Variants in GPM6A observed in about 807,000 individuals in gnomAD.
The protein encoded by GPM6A is glycoprotein M6A, also known as neuronal membrane glycoprotein M6-a.
In GPM6A, 7 loss-of-function variants were observed where a neutral mutation model predicts 32.1. The ratio of observed to expected loss-of-function variants is 0.22; its 90% confidence interval spans 0.12 to 0.41. The LOEUF (loss-of-function observed/expected upper bound fraction) is 0.41. Among genes scored for constraint, GPM6A ranks in the 10% least tolerant of loss-of-function variants. The pLI, the probability that GPM6A is intolerant of heterozygous loss-of-function variation, is 1.00. For synonymous variants in GPM6A, 130 were observed against 123.4 expected (o/e 1.05, Z -0.35); for missense variants, 235 against 347.2 (o/e 0.68, Z 2.57).
At chr4:175,724,782 C>T (rs114309842) in intron 1 of GPM6A, among the ~76,000 whole-genome samples, 360 of 152,260 alleles carry the variant, frequency 2.4e-3, no homozygotes, top group Non-Finnish European at 4.0e-3. Flanking sequence ...AGTAGCTTCT[C>T]ATTTCCTTTG....
At chr4:175,953,586 G>C (rs1176062949) in intron 1 of GPM6A, among the ~76,000 whole-genome samples, 2 of 152,082 alleles carry the variant, frequency 1.3e-5, no homozygotes, top group Non-Finnish European at 2.9e-5. Flanking sequence ...AGGACACATG[G>C]CAGACTTATA....
At chr4:175,688,897 G>A (rs1345037599) in intron 2 of GPM6A, among the ~76,000 whole-genome samples, 1 of 152,072 alleles carries the variant, frequency 6.6e-6, no homozygotes, top group Non-Finnish European at 1.5e-5. Context: ...CTGTCACCTA[G>A]GCTGAAGTGT....
At chr4:175,954,509 G>A (rs1233572715) in intron 1 of GPM6A, among the ~76,000 whole-genome samples, 1 of 152,220 alleles carries the variant, frequency 6.6e-6, no homozygotes, top group Non-Finnish European at 1.5e-5. Flanking sequence ...ACTGAGGACA[G>A]TGGCTAGCAA....
intron 1 of GPM6A, among the ~76,000 whole-genome samples, chr4:175,757,765 G>A (rs935180378): frequency 1.3e-5 from 2 of 152,072 alleles, no homozygotes; most frequent in African/African-American, 4.8e-5. Context: ...GCATTACCAC[G>A]AGACCAAAGA....
upstream of GPM6A, among the ~76,000 whole-genome samples, chr4:175,815,267 G>A (rs759555035): frequency 2.6e-5 from 4 of 152,058 alleles, no homozygotes; most frequent in African/African-American, 7.2e-5. Flanking sequence ...CACCCACCTC[G>A]GCCTCCCAGA....
At chr4:175,663,046 A>G (rs1742522799) in intron 3 of GPM6A, among the ~76,000 whole-genome samples, 2 of 152,228 alleles carry the variant, frequency 1.3e-5, no homozygotes, top group Admixed American at 1.3e-4. Flanking sequence ...ACTTTTAATC[A>G]GAAGAATTTT....
At chr4:175,807,969 T>A (rs962188400) in intron 1 of GPM6A, among the ~76,000 whole-genome samples, 1 of 152,206 alleles carries the variant, frequency 6.6e-6, no homozygotes, top group Non-Finnish European at 1.5e-5. Flanking sequence ...TTAAGGTTAT[T>A]GTGAAGAGCC....
At chr4:175,669,896 G>C (rs1048550507) in intron 3 of GPM6A, among the ~76,000 whole-genome samples, 1 of 152,136 alleles carries the variant, frequency 6.6e-6, no homozygotes, top group African/African-American at 2.4e-5. Flanking sequence ...TGAATGTGAA[G>C]GCAGTGATGG....
intron 2 of GPM6A, among the ~76,000 whole-genome samples, chr4:175,688,323 T>A (rs780869622): frequency 7.5e-4 from 114 of 152,356 alleles, no homozygotes; most frequent in East Asian, 2.1e-3. Flanking sequence ...AGCAGTTTTA[T>A]AATTTTAGGT....
chr4:175,944,643 C>T (rs1739529498), intron 1 of GPM6A, among the ~76,000 whole-genome samples: 1 of 152,178 alleles, frequency 6.6e-6, no homozygotes, highest in Non-Finnish European at 1.5e-5. Context: ...GCACATCTCC[C>T]TCATTTTCAT....
rs1055898024 is a variant in GPM6A at position 175,640,284 on chromosome 4, G to C, written c.619-90C>G. 22 of 976,454 alleles carry C rather than the reference G, an allele frequency of 2.3e-5. No homozygotes were observed. In the African/African-American group the frequency reaches 2.7e-4, roughly 12 times the overall value. 60.5% of individuals were successfully genotyped at this position (976,454 alleles called of 1,614,324 possible). A position where few individuals can be genotyped will look rare whatever the true frequency, so the allele number is the denominator to read the frequency against. On this transcript the variant is annotated intron_variant, in intron 5 of 6. Transcript: ENST00000393658. Reference sequence around the variant, plus strand: ...GCTACTGTCTTATAAACAAGACTTTGTACATCTTAAATAAAAGCGAGCCTG... The same window carrying C: ...GCTACTGTCTTATAAACAAGACTTTCTACATCTTAAATAAAAGCGAGCCTG...
intron 6 of GPM6A, among the ~76,000 whole-genome samples, chr4:175,637,889 A>G (rs1159204094): frequency 1.5e-5 from 2 of 129,290 alleles, no homozygotes; most frequent in Non-Finnish European, 3.1e-5. Context: ...TATATATTAT[A>G]TATATATATA....
At chr4:175,829,719 T>C (rs1735551353) in intron 1 of GPM6A, among the ~76,000 whole-genome samples, 3 of 147,628 alleles carry the variant, frequency 2.0e-5, no homozygotes, top group Admixed American at 6.8e-5. Flanking sequence ...TATATATGTA[T>C]ATATAGGAAA....
intron 6 of GPM6A, among the ~76,000 whole-genome samples, chr4:175,639,359 A>G (rs913154226): frequency 6.6e-6 from 1 of 152,208 alleles, no homozygotes; most frequent in Non-Finnish European, 1.5e-5. Context: ...ATAATTAAAT[A>G]AATTCCAATT....
chr4:175,904,353 A>G (rs904769388), intron 1 of GPM6A, among the ~76,000 whole-genome samples: 1 of 152,288 alleles, frequency 6.6e-6, no homozygotes, highest in African/African-American at 2.4e-5. Flanking sequence ...GCATTCTTAG[A>G]CTTGAGCTAA....
At chr4:175,992,060 G>GCACGCACACACA (rs71770965) in intron 1 of GPM6A, among the ~76,000 whole-genome samples, 1,785 of 137,104 alleles carry the variant, frequency 0.013, 33 homozygotes, top group African/African-American at 0.043. Flanking sequence ...AAACACACAT[G>GCACGCACACACA]CACACACACA....
intron 1 of GPM6A, among the ~76,000 whole-genome samples, chr4:175,861,435 TAA>T (rs903512266): frequency 2.1e-5 from 3 of 142,922 alleles, no homozygotes; most frequent in Admixed American, 7.0e-5. Flanking sequence ...TAATTCAAAC[TAA>T]AAAAAAAAAC....
At chr4:175,984,500 C>T (rs1464496642) in intron 1 of GPM6A, among the ~76,000 whole-genome samples, 1 of 151,984 alleles carries the variant, frequency 6.6e-6, no homozygotes, top group Non-Finnish European at 1.5e-5. Context: ...TCTATTGTAT[C>T]ATTTGTCTTT....
At chr4:175,889,518 C>CAAAAAA (rs35210127) in intron 1 of GPM6A, among the ~76,000 whole-genome samples, 5 of 137,018 alleles carry the variant, frequency 3.6e-5, no homozygotes, top group African/African-American at 1.4e-4. Flanking sequence ...ACCCTGTCTC[C>CAAAAAA]AAAAAAAAAA....
Sources: gnomAD v4.1 joint callset for allele counts (sites outside exome capture counted in the v4.1 genomes callset) on GRCh38, gnomAD v4.1.1 for gene constraint, MANE v1.5 for transcripts, NCBI Gene and HGNC (gene_info 2026-07-23, HGNC 2026-07-21) for gene names.